The following DSG2 variants were observed in gnomAD, a reference collection of about 807,000 sequenced individuals.
The protein encoded by DSG2 is desmoglein 2, also known as desmoglein-2.
Under a neutral mutation model 75.6 loss-of-function variants are expected in DSG2, and 45 were observed. The ratio of observed to expected loss-of-function variants is 0.60; its 90% CI spans 0.47 to 0.76. The LOEUF (loss-of-function observed/expected upper bound fraction) is 0.76. Ranked by LOEUF, DSG2 falls within the 30% of genes least tolerant of loss-of-function variation. DSG2 has a pLI of 0.00. For missense variants in DSG2, 1,267 were observed against 1,357.4 expected (o/e 0.93, Z 1.05); for synonymous variants, 429 against 483.9 (o/e 0.89, Z 1.49).
At chr18:31,544,148 C>T (rs1238270792) in intron 14 of DSG2, among the ~76,000 whole-genome samples, 1 of 151,964 alleles carries the variant, frequency 6.6e-6, no homozygotes, top group Non-Finnish European at 1.5e-5. Flanking sequence ...ATATAGAAAA[C>T]TTAGTACTGT....
rs569204252 is a variant in DSG2 at position 31,514,436 on chromosome 18, A to G, written c.46-3803A>G. Among the ~76,000 whole-genome samples, 282 of 152,364 alleles carry G rather than the reference A, an allele frequency of 1.9e-3. 1 individual carries two copies. The highest frequency in any genetic ancestry group is 3.0e-3 in the Non-Finnish European group (206 of 68,032). Reference sequence around the variant, plus strand: ...AGTGATTTTAATGTTAAAAATACATACATTAATGAAATATATTTTATGAGT... The same window carrying G: ...AGTGATTTTAATGTTAAAAATACATGCATTAATGAAATATATTTTATGAGT... On this transcript the variant is annotated intron_variant, in intron 1 of 14. Coordinates refer to ENST00000261590, the MANE Select transcript of DSG2 (RefSeq NM_001943.5).
At chr18:31,507,016 T>G (rs962979404) in intron 1 of DSG2, among the ~76,000 whole-genome samples, 2 of 152,124 alleles carry the variant, frequency 1.3e-5, no homozygotes, top group Non-Finnish European at 2.9e-5. Flanking sequence ...CCATTGTGGT[T>G]TGCTGCACCC....
Position 31,545,925 on chromosome 18 carries a change from A to G in DSG2, c.2539A>G (p.Ile847Val), listed in dbSNP as rs1414769053. The change falls in exon 15 of 15, where the codon ATA becomes GTA. Residue 847 changes from isoleucine to valine, a missense_variant. Physicochemically the swap from Ile to Val is conservative, Grantham distance 29. Coordinates refer to ENST00000261590, the MANE Select transcript of DSG2 (RefSeq NM_001943.5). Reference sequence around the variant, plus strand: ...AGTTTGCCTGGGTCAAAAAATAGATATAAATAAGGAAATTGAGCAGAGACA... The same window carrying G: ...AGTTTGCCTGGGTCAAAAAATAGATGTAAATAAGGAAATTGAGCAGAGACA... Reference protein sequence around the residue: ...AEVCLGQKIDINKEIEQRQKP... With the variant: ...AEVCLGQKIDVNKEIEQRQKP... The G allele has an allele frequency of 1.9e-6, 3 of 1,614,074 alleles. No individual in the cohort carries two copies. The highest frequency in any genetic ancestry group is 1.3e-5 in the African/African-American group (1 of 74,930).
chr18:31,546,569 C>G lies in DSG2; in HGVS notation c.3183C>G (p.Tyr1061Ter). 6.2e-7 allele frequency: 1 copy of G among 1,614,198 alleles called. No individual in the cohort carries two copies. The highest frequency in any genetic ancestry group is 8.5e-7 in the Non-Finnish European group (1 of 1,180,038). The change falls in exon 15 of 15, where the codon TAC becomes TAG. Residue 1061 changes from tyrosine to a stop codon, truncating the protein, a stop_gained. Transcript: ENST00000261590. LOFTEE classifies it low-confidence loss of function (END_TRUNC). ...LAPASTLQSS[Y>*]QIPTENSMTA... ...CTGCTTCCACTCTGCAATCCAGTTA[C>G]CAGATTCCCACTGAAAATTCTATGA...
chr18:31,546,396 G>A lies in DSG2; in HGVS notation c.3010G>A (p.Gly1004Ser), dbSNP rs766925724. 2 of 1,614,150 alleles carry A rather than the reference G, an allele frequency of 1.2e-6. No individual in the cohort carries two copies. The highest frequency in any genetic ancestry group is 1.1e-5 in the South Asian group (1 of 91,078). The part of the protein sequence containing the change: ...PHGGGSNPLE[G>S]TQHLQDVPYV... Reference sequence around the variant, plus strand: ...TGGGGGTGGATCGAATCCTCTGGAAGGCACTCAGCATCTTCAAGATGTACC... The same window carrying A: ...TGGGGGTGGATCGAATCCTCTGGAAAGCACTCAGCATCTTCAAGATGTACC... The change falls in exon 15 of 15, where the codon GGC becomes AGC. Residue 1004 changes from glycine to serine, a missense_variant. Gly to Ser is a moderately conservative substitution (Grantham distance 56, BLOSUM62 0). Coordinates refer to ENST00000261590, the MANE Select transcript of DSG2 (RefSeq NM_001943.5).
intron 8 of DSG2, among the ~76,000 whole-genome samples, chr18:31,527,284 T>C (rs762301258): frequency 2.6e-5 from 4 of 152,264 alleles, no homozygotes; most frequent in Non-Finnish European, 5.9e-5. Context: ...AGTGTAGGTG[T>C]ATAGTAGGCT....
chr18:31,541,151 T>C (rs369233423), intron 12 of DSG2, 42 bp from the exon 13 acceptor site: 41 of 1,613,606 alleles, frequency 2.5e-5, no homozygotes, highest in Non-Finnish European at 3.1e-5. Context: ...TAGAAATATA[T>C]CAAGGTTAAC....
chr18:31,535,439 T>C (rs1567930429), intron 10 of DSG2, 27 bp downstream of exon 10: 1 of 1,537,804 alleles, frequency 6.5e-7, no homozygotes, highest in East Asian at 2.3e-5. Flanking sequence ...ATCTTTTTCT[T>C]GATTATATGT....
chr18:31,519,121 T>C (rs1183478803), intron 2 of DSG2, among the ~76,000 whole-genome samples: 3 of 152,270 alleles, frequency 2.0e-5, no homozygotes, highest in East Asian at 1.9e-4. Flanking sequence ...CACAGAAAAA[T>C]GAAACTTCAT....
intron 9 of DSG2, among the ~76,000 whole-genome samples, chr18:31,533,991 CTTTTT>C (rs55789239): frequency 7.9e-6 from 1 of 125,940 alleles, no homozygotes; most frequent in African/African-American, 3.0e-5. Flanking sequence ...TCTTTTTTTT[CTTTTT>C]TTTTTTTTTT....
intron 1 of DSG2, 125 bp downstream of exon 1, chr18:31,498,421 C>G (rs1001702037): frequency 1.8e-5 from 19 of 1,070,960 alleles, no homozygotes; most frequent in Non-Finnish European, 2.1e-5. Flanking sequence ...CTCCTTCCTG[C>G]TGCCCGAGGG....
intron 8 of DSG2, among the ~76,000 whole-genome samples, chr18:31,530,055 A>G (rs2073185171): frequency 2.0e-5 from 3 of 152,182 alleles, no homozygotes; most frequent in Admixed American, 2.0e-4. Context: ...TCAAATGGAA[A>G]TTGTGCTATT....
intron 8 of DSG2, among the ~76,000 whole-genome samples, chr18:31,529,336 A>T (rs370801821): frequency 7.8e-4 from 119 of 152,102 alleles, no homozygotes; most frequent in African/African-American, 2.6e-3. Flanking sequence ...TTATTTATTT[A>T]TTTTTTCATG....
chr18:31,504,283 T>C (rs534861386), intron 1 of DSG2, among the ~76,000 whole-genome samples: 5 of 152,286 alleles, frequency 3.3e-5, no homozygotes, highest in Non-Finnish European at 5.9e-5. Flanking sequence ...CCACCACTCT[T>C]TCAAGCCCCC....
In DSG2 at chr18:31,542,892, G is replaced by A. The variant is rs371742561; in HGVS notation, c.2334+40G>A. 2.0e-4 allele frequency: 211 copies of A among 1,034,152 alleles called. 2 individuals are homozygous for A. Among genetic ancestry groups the A allele is most frequent in the South Asian group, 3.8e-4 (23 of 60,992 alleles). The allele number at this position is 1,034,152 out of a possible 1,614,324, so 64.1% of individuals were successfully genotyped here. ...TATGTATTGGTGGTGGGGGGTGGGG[G>A]GAACATTTGTATGTGAATGTGATAT... is the stretch of plus-strand genomic sequence containing the variant. On this transcript the variant is annotated intron_variant, in intron 14 of 14. Coordinates refer to ENST00000261590, the MANE Select transcript of DSG2 (RefSeq NM_001943.5).
chr18:31,542,733 A>C lies in DSG2; in HGVS notation c.2215A>C (p.Ile739Leu), dbSNP rs772240008. 5.0e-6 allele frequency: 8 copies of C among 1,614,186 alleles called. No individual in the cohort carries two copies. The highest frequency in any genetic ancestry group is 6.8e-6 in the Non-Finnish European group (8 of 1,180,014). The change falls in exon 14 of 15, where the codon ATC (isoleucine) becomes CTC (leucine). Residue 739 changes from isoleucine (I) to leucine (L), a missense_variant. Transcript: ENST00000261590. ...CCAGTTTACAGGGGCCACAGGCGCT[A>C]TCATGACCACTGAAACCACGAAGAC... ...ATQFTGATGA[I>L]MTTETTKTAR...
At position 31,499,378 on chromosome 18, in the gene DSG2, G is replaced by GTA. The variant is rs1313091205; in HGVS notation, c.45+1083_45+1084insAT. Among the ~76,000 whole-genome samples, 3 of 152,040 alleles carry GTA rather than the reference G, an allele frequency of 2.0e-5. No homozygotes were observed. In the East Asian group the frequency reaches 5.8e-4, roughly 29 times the overall value. On this transcript the variant is annotated intron_variant, in intron 1 of 14. Coordinates refer to ENST00000261590, the MANE Select transcript of DSG2 (RefSeq NM_001943.5). ...AAATCGTGTGTGTGTGTGTGTGTGTGTGTGTGTGTCTCAAAACGGAAAAAG... is the reference window on the plus strand; with the variant it reads ...AAATCGTGTGTGTGTGTGTGTGTGTGTATGTGTGTGTCTCAAAACGGAAAAAG...
intron 1 of DSG2, among the ~76,000 whole-genome samples, chr18:31,510,522 A>G (rs1311498198): frequency 6.6e-6 from 1 of 152,156 alleles, no homozygotes; most frequent in African/African-American, 2.4e-5. Flanking sequence ...TCTTTTCTAA[A>G]AGTGCTGACC....
rs1457447752 is a variant in DSG2 at position 31,548,120 on chromosome 18, C to T, written c.*1377C>T. On this transcript the variant is annotated 3_prime_UTR_variant, in exon 15 of 15. Coordinates refer to ENST00000261590, the MANE Select transcript of DSG2 (RefSeq NM_001943.5). The stretch of plus-strand genomic sequence containing the variant: ...TTGACTGGCTGGGTGTGACTTAGTA[C>T]ATAAGTACTCAATATTATAAAAACC... 4 of 152,088 alleles carry T rather than the reference C, an allele frequency of 2.6e-5. No homozygotes were observed. Among genetic ancestry groups the T allele is most frequent in the African/African-American group, 9.7e-5 (4 of 41,400 alleles). 9.4% of individuals were successfully genotyped at this position (152,088 alleles called of 1,614,324 possible).
Sources: allele counts gnomAD v4.1 joint callset (sites outside exome capture counted in the v4.1 genomes callset), GRCh38; gene constraint gnomAD v4.1.1; transcripts MANE v1.5; gene names NCBI Gene and HGNC (gene_info 2026-07-23, HGNC 2026-07-21).